ATP11A: variants seen among roughly 807,000 people sequenced by gnomAD.
ATP11A encodes phospholipid-transporting ATPase IH.
ATP11A carries 81 observed loss-of-function variants against 154.4 expected under a neutral mutation model. The ratio of observed to expected loss-of-function variants is 0.52; its 90% CI spans 0.44 to 0.63. ATP11A has a LOEUF of 0.63. Among genes scored for constraint, ATP11A ranks in the 30% least tolerant of loss-of-function variants. ATP11A has a pLI of 0.00. For synonymous variants in ATP11A, 623 were observed against 585.9 expected, an observed-to-expected ratio of 1.06 and a Z score of -0.91; for missense variants, 1,316 against 1,474.3, an observed-to-expected ratio of 0.89 and a Z score of 1.76.
intron 27 of ATP11A, among the ~76,000 whole-genome samples, chr13:112,873,974 T>G (rs1309079285): frequency 6.6e-6 from 1 of 152,166 alleles, no homozygotes; most frequent in African/African-American, 2.4e-5. Context: ...CCATGTCAGA[T>G]TGAAAGGCCA....
At position 112,845,647 on chromosome 13, in the gene ATP11A, CGGT is replaced by C; in HGVS notation, c.1809+3269_1809+3271del. On this transcript the variant is annotated intron_variant, in intron 17 of 29. Coordinates refer to ENST00000375645, the MANE Select transcript of ATP11A (RefSeq NM_015205.3). ...TAACCAGTCCAGTTGCCAGCACTAG[CGGT>C]ACTATTCAGTCCAGTTACCAGGCAC... is the stretch of plus-strand genomic sequence containing the variant. Among the ~76,000 whole-genome samples, 5 of 121,674 alleles carry C rather than the reference CGGT, an allele frequency of 4.1e-5. 1 individual carries two copies. The highest frequency in any genetic ancestry group is 6.6e-5 in the Non-Finnish European group (4 of 60,906). 79.8% of individuals were successfully genotyped at this position (121,674 alleles called of 152,430 possible).
At chr13:112,757,585 C>G (rs1418373850) in intron 1 of ATP11A, among the ~76,000 whole-genome samples, 2 of 152,228 alleles carry the variant, frequency 1.3e-5, no homozygotes, top group Admixed American at 6.5e-5. Context: ...GAGGTCCCCT[C>G]ACGGAGGTGG....
chr13:112,795,791 A>G (rs1186088025), intron 2 of ATP11A, among the ~76,000 whole-genome samples: 1 of 152,256 alleles, frequency 6.6e-6, no homozygotes, highest in Non-Finnish European at 1.5e-5. Context: ...GAGAGAAAAT[A>G]TATCTTTCTC....
At position 112,836,252 on chromosome 13, in the gene ATP11A, G is replaced by T; in HGVS notation, c.1705+1G>T. 1.9e-6 allele frequency: 3 copies of T among 1,598,328 alleles called. No individual in the cohort carries two copies. Among genetic ancestry groups the T allele is most frequent in the Non-Finnish European group, 2.6e-6 (3 of 1,168,406 alleles). ...AGTGTAATTGTAAAATCTGCTACAG[G>T]TAAAATTTCTTTTTCTTTTGATTTA... On this transcript the variant is annotated splice_donor_variant, in intron 16 of 29. Transcript: ENST00000375645. LOFTEE classifies it high-confidence loss of function.
At chr13:112,866,451 G>A (rs1414875988) in intron 25 of ATP11A, among the ~76,000 whole-genome samples, 2 of 151,780 alleles carry the variant, frequency 1.3e-5, no homozygotes, top group Non-Finnish European at 2.9e-5. Context: ...AGCTTCCCTC[G>A]ATTTTAAATT....
chr13:112,848,989 G>GT (rs1222625494), intron 17 of ATP11A, among the ~76,000 whole-genome samples: 2 of 152,178 alleles, frequency 1.3e-5, no homozygotes, highest in African/African-American at 4.8e-5. Flanking sequence ...TGCCTTGCTG[G>GT]TTTTTTCACT....
chr13:112,858,014 AC>A (rs1594194710), intron 21 of ATP11A, 94 bp downstream of exon 21: 3 of 1,558,316 alleles, frequency 1.9e-6, no homozygotes, highest in Non-Finnish European at 2.6e-6. Flanking sequence ...CATTCAGGAC[AC>A]CCCCGTCACC....
At chr13:112,765,947 G>A (rs1330010729) in intron 1 of ATP11A, among the ~76,000 whole-genome samples, 7 of 152,114 alleles carry the variant, frequency 4.6e-5, no homozygotes, top group African/African-American at 7.2e-5. Flanking sequence ...CTTGCAGGCC[G>A]GTGTCCGGCG....
Position 112,753,238 on chromosome 13 carries a change from C to T in ATP11A, c.40-31897C>T, listed in dbSNP as rs1426855805. Among the ~76,000 whole-genome samples, 1 of 152,214 alleles carries T rather than the reference C, an allele frequency of 6.6e-6. No homozygotes were observed. Among genetic ancestry groups the T allele is most frequent in the Non-Finnish European group, 1.5e-5 (1 of 68,036 alleles). On this transcript the variant is annotated intron_variant, in intron 1 of 29. Coordinates refer to ENST00000375645, the MANE Select transcript of ATP11A (RefSeq NM_015205.3). The surrounding 1 kb of genome is among the most constrained non-coding windows in gnomAD (Gnocchi z 4.1). ...CCCTGTGGACTCAACCTCCCCCGCC[C>T]CTGGCCGCCCCACATCATGGACAGC...
chr13:112,729,746 C>A (rs932555602), intron 1 of ATP11A, among the ~76,000 whole-genome samples: 3 of 152,256 alleles, frequency 2.0e-5, no homozygotes, highest in African/African-American at 7.2e-5. Context: ...GTGAGGCCAG[C>A]AGGCCGCTGA....
rs1621628 is a variant in ATP11A at position 112,750,446 on chromosome 13, C to T, written c.40-34689C>T. On this transcript the variant is annotated intron_variant, in intron 1 of 29. Transcript: ENST00000375645. ...ACGTGGGGACACGCCTGCTGAAGGA[C>T]GCGGGGTTGAATCCCTCTTCAGCCT... Among the ~76,000 whole-genome samples, 161 of 57,630 alleles carry T rather than the reference C, an allele frequency of 2.8e-3. 4 individuals carry two copies. The highest frequency in any genetic ancestry group is 6.9e-3 in the African/African-American group (49 of 7,084). 37.8% of individuals were successfully genotyped at this position (57,630 alleles called of 152,430 possible).
chr13:112,793,799 G>A lies in ATP11A; in HGVS notation c.162+8542G>A, dbSNP rs143864859. On this transcript the variant is annotated intron_variant, in intron 2 of 29. Transcript: ENST00000375645. ...GCGGGCGCCTGGGCTGCTGGCAGGG[G>A]ACAGTGCCCGGGTTCGTCTCGCAGC... 2.3e-3 allele frequency among the ~76,000 whole-genome samples: 350 copies of A among 152,372 alleles called. 2 individuals are homozygous for A. Among genetic ancestry groups the A allele is most frequent in the Non-Finnish European group, 3.5e-3 (241 of 68,042 alleles).
At position 112,883,296 on chromosome 13, in the gene ATP11A, A is replaced by G. The variant is rs2080925663; in HGVS notation, c.*1430A>G. On this transcript the variant is annotated 3_prime_UTR_variant, in exon 30 of 30. Coordinates refer to ENST00000375645, the MANE Select transcript of ATP11A (RefSeq NM_015205.3). Reference sequence around the variant, plus strand: ...TGTTGTTCTCCGTACTGGCATTTCTATTTCTAGAAATAATATTTGACATAG... The same window carrying G: ...TGTTGTTCTCCGTACTGGCATTTCTGTTTCTAGAAATAATATTTGACATAG... The G allele has an allele frequency of 2.5e-6, 1 of 398,290 alleles. No homozygotes were observed. 24.7% of individuals were successfully genotyped at this position (398,290 alleles called of 1,614,324 possible).
At chr13:112,817,743 A>G (rs902890005) in intron 6 of ATP11A, among the ~76,000 whole-genome samples, 25 of 152,356 alleles carry the variant, frequency 1.6e-4, no homozygotes, top group Middle Eastern at 3.4e-3. Flanking sequence ...GGAAGATGTT[A>G]AAACAGCTAT....
chr13:112,763,577 G>C (rs1257053483), intron 1 of ATP11A, among the ~76,000 whole-genome samples: 1 of 152,158 alleles, frequency 6.6e-6, no homozygotes, highest in Non-Finnish European at 1.5e-5. Context: ...CTCTTTTCTG[G>C]AGGGTCTGAA....
intron 29 of ATP11A, among the ~76,000 whole-genome samples, chr13:112,879,555 C>T (rs2080824313): frequency 6.6e-6 from 1 of 152,244 alleles, no homozygotes; most frequent in African/African-American, 2.4e-5. Flanking sequence ...TGCTTCTGAG[C>T]ATGTACGGAA....
intron 1 of ATP11A, among the ~76,000 whole-genome samples, chr13:112,757,016 G>A (rs748955965): frequency 3.9e-5 from 6 of 152,240 alleles, no homozygotes; most frequent in Non-Finnish European, 7.3e-5. Flanking sequence ...GCTTTCTGTG[G>A]ATTTAGTCCA....
rs1048215729 is a variant in ATP11A, at chr13:112,884,834, C to T, written c.*2968C>T. 1 of 150,410 alleles carries T rather than the reference C, an allele frequency of 6.6e-6. No individual in the cohort carries two copies. Among genetic ancestry groups the T allele is most frequent in the Non-Finnish European group, 1.5e-5 (1 of 67,592 alleles). 9.3% of individuals were successfully genotyped at this position (150,410 alleles called of 1,614,324 possible). On this transcript the variant is annotated 3_prime_UTR_variant, in exon 30 of 30. Coordinates refer to ENST00000375645, the MANE Select transcript of ATP11A (RefSeq NM_015205.3). ...TCCCTGCCACAGACCGTCTCAGACA[C>T]GCACAGTGGGCCTGCTGCATGATTC...
chr13:112,728,270 T>C (rs963358774), intron 1 of ATP11A, among the ~76,000 whole-genome samples: 2 of 152,178 alleles, frequency 1.3e-5, no homozygotes, highest in African/African-American at 4.8e-5. Flanking sequence ...CTCCCTGTGT[T>C]ACCTGTATGT....
Sources: gnomAD v4.1 joint callset for allele counts (sites outside exome capture counted in the v4.1 genomes callset) on GRCh38, gnomAD v4.1.1 for gene constraint, Gnocchi (gnomAD v3.1) non-coding constraint, MANE v1.5 for transcripts, NCBI Gene and HGNC (gene_info 2026-07-23, HGNC 2026-07-21) for gene names.